The following KCNA3 variants were observed in gnomAD, a reference collection of about 807,000 sequenced individuals.
The protein encoded by KCNA3 is potassium voltage-gated channel subfamily A member 3, also known as RP11-284N8.3.
In KCNA3, 18 loss-of-function variants were observed where a neutral mutation model predicts 34.3. The ratio of observed to expected loss-of-function variants is 0.52; its 90% CI spans 0.36 to 0.78. KCNA3 has a LOEUF of 0.78. Ranked by LOEUF, KCNA3 falls within the 30% of genes least tolerant of loss-of-function variation. The pLI is 0.00. For missense variants in KCNA3, 587 were observed against 802.5 expected, an observed-to-expected ratio of 0.73 and a Z score of 3.24; for synonymous variants, 324 against 351.7, an observed-to-expected ratio of 0.92 and a Z score of 0.88.
rs947748190 is a variant in KCNA3, at chr1:110,672,609, C to T, written c.*473G>A. ...CTAGTTAGACTCTTCATCCACATAT[C>T]TACAGGGTAGGCAACCGAAATACAT... On this transcript the variant is annotated 3_prime_UTR_variant, in exon 1 of 1. Transcript: ENST00000369769. 4 of 156,110 alleles carry T rather than the reference C, an allele frequency of 2.6e-5. No homozygotes were observed. Among genetic ancestry groups the T allele is most frequent in the African/African-American group, 9.6e-5 (4 of 41,458 alleles). 9.7% of individuals were successfully genotyped at this position (156,110 alleles called of 1,614,324 possible).
Position 110,672,874 on chromosome 1 carries a change from A to T in KCNA3, c.*208T>A, listed in dbSNP as rs772777662. The T allele has an allele frequency of 1.1e-5, 6 of 560,826 alleles. No individual in the cohort carries two copies. The highest frequency in any genetic ancestry group is 1.6e-5 in the Non-Finnish European group (5 of 317,444). 34.7% of individuals were successfully genotyped at this position (560,826 alleles called of 1,614,324 possible). Reference sequence around the variant, plus strand: ...TAAGAGAGAGAGGGTAAGAGGGAAAAGGAGAGCTGAGAGAATGCAGCCCAC... The same window carrying T: ...TAAGAGAGAGAGGGTAAGAGGGAAATGGAGAGCTGAGAGAATGCAGCCCAC... On this transcript the variant is annotated 3_prime_UTR_variant, in exon 1 of 1. Transcript: ENST00000369769.
At position 110,674,546 on chromosome 1, in the gene KCNA3, C is replaced by A. The variant is rs772107299; in HGVS notation, c.264G>T (p.Pro88=). The A allele has an allele frequency of 1.3e-6, 2 of 1,588,712 alleles. No individual in the cohort carries two copies. Among genetic ancestry groups the A allele is most frequent in the Admixed American group, 1.8e-5 (1 of 56,438 alleles). ...CGGGGCDRYE[P]LPPSLPAAGE... is the part of the protein sequence containing the mutation. ...CCGCGGCCGGCAGTGAGGGCGGCAG[C>A]GGCTCGTAGCGGTCGCAGCCGCCGC... Residue 88 remains proline, a synonymous_variant, in exon 1 of 1, where the codon CCG becomes CCT. Transcript: ENST00000369769. This position sits in a 1 kb window ranked among gnomAD's most constrained non-coding sequence, Gnocchi z 6.4.
chr1:110,674,569 C>G lies in KCNA3; in HGVS notation c.241G>C (p.Gly81Arg), dbSNP rs984933551. 1.3e-6 allele frequency: 2 copies of G among 1,562,446 alleles called. No homozygotes were observed. The highest frequency in any genetic ancestry group is 1.9e-5 in the Admixed American group (1 of 52,556). Residue 81 changes from glycine (G) to arginine (R), a missense_variant, in exon 1 of 1, where the codon GGC (glycine) becomes CGC (arginine). By Grantham distance (125) the Gly-to-Arg change is moderately radical. Coordinates refer to ENST00000369769, the MANE Select transcript of KCNA3 (RefSeq NM_002232.5). The surrounding 1 kb of genome is among the most constrained non-coding windows in gnomAD (Gnocchi z 6.4). ...AGCGGCTCGTAGCGGTCGCAGCCGC[C>G]GCCGCCACAGCCGCCTTGAGGCGGG... is the stretch of plus-strand genomic sequence containing the variant. ...GAPPQGGCGG[G>R]GCDRYEPLPP...
At position 110,672,850 on chromosome 1, in the gene KCNA3, A is replaced by C. The variant is rs1058184; in HGVS notation, c.*232T>G. On this transcript the variant is annotated 3_prime_UTR_variant, in exon 1 of 1. Coordinates refer to ENST00000369769, the MANE Select transcript of KCNA3 (RefSeq NM_002232.5). ...ACGTAAGTCTGTTGTTTACAATGTT[A>C]AGAGAGAGAGGGTAAGAGGGAAAAG... 335,837 of 500,590 alleles carry C rather than the reference A, an allele frequency of 0.67. 113,828 individuals are homozygous for C. The highest frequency in any genetic ancestry group is 0.72 in the Middle Eastern group (1,411 of 1,952). The allele number at this position is 500,590 out of a possible 1,614,324, so 31.0% of individuals were successfully genotyped here.
At position 110,673,806 on chromosome 1, in the gene KCNA3, G is replaced by T. The variant is rs1435199552; in HGVS notation, c.1004C>A (p.Ala335Asp). 6.2e-7 allele frequency: 1 copy of T among 1,614,140 alleles called. No individual in the cohort carries two copies. The highest frequency in any genetic ancestry group is 2.2e-5 in the East Asian group (1 of 44,878). The change falls in exon 1 of 1, where the codon GCC (alanine) becomes GAC (aspartate). Residue 335 changes from alanine to aspartate, a missense_variant. Physicochemically the swap from Ala to Asp is moderately radical, Grantham distance 126. Around this residue, in one of 7 missense-constraint regions of KCNA3, gnomAD observed 84 missense variants for 223.1 expected, o/e 0.38. Transcript: ENST00000369769. This position sits in a 1 kb window ranked among gnomAD's most constrained non-coding sequence, Gnocchi z 8.8. ...RNIMNLIDIV[A>D]IIPYFITLGT... ...CAGAGTGATAAAATAAGGAATGATG[G>T]CCACAATGTCGATCAGGTTCATGAT...
rs1570802991 is a variant in KCNA3 at position 110,674,582 on chromosome 1, G to T, written c.228C>A (p.Gly76=). ...VADGGGAPPQ[G]GCGGGGCDRY... Reference sequence around the variant, plus strand: ...GGTCGCAGCCGCCGCCGCCACAGCCGCCTTGAGGCGGGGCCCCTCCACCAT... The same window carrying T: ...GGTCGCAGCCGCCGCCGCCACAGCCTCCTTGAGGCGGGGCCCCTCCACCAT... Residue 76 remains glycine (G), a synonymous_variant, in exon 1 of 1, where the codon GGC becomes GGA. Transcript: ENST00000369769. This position sits in a 1 kb window ranked among gnomAD's most constrained non-coding sequence, Gnocchi z 6.4. 1 of 1,572,398 alleles carries T rather than the reference G, an allele frequency of 6.4e-7. No homozygotes were observed. Among genetic ancestry groups the T allele is most frequent in the Non-Finnish European group, 8.6e-7 (1 of 1,162,110 alleles).
chr1:110,667,401 A>G, the KCNA3 span, among the ~76,000 whole-genome samples: 1 of 152,308 alleles, frequency 6.6e-6, no homozygotes, highest in East Asian at 1.9e-4. Flanking sequence ...CCCAATCACT[A>G]TCACCATACT....
chr1:110,673,443 C>A lies in KCNA3; in HGVS notation c.1367G>T (p.Gly456Val). The A allele has an allele frequency of 6.2e-7, 1 of 1,614,150 alleles. No homozygotes were observed. The highest frequency in any genetic ancestry group is 1.3e-5 in the African/African-American group (1 of 75,016). Residue 456 changes from glycine to valine, a missense_variant, in exon 1 of 1, where the codon GGG becomes GTG. By Grantham distance (109) the Gly-to-Val change is moderately radical. Transcript: ENST00000369769. This position sits in a 1 kb window ranked among gnomAD's most constrained non-coding sequence, Gnocchi z 8.8. ...GYGDMHPVTI[G>V]GKIVGSLCAI... Reference sequence around the variant, plus strand: ...ACAGAGAGATCCCACAATCTTGCCCCCTATGGTCACTGGGTGCATATCGCC... The same window carrying A: ...ACAGAGAGATCCCACAATCTTGCCCACTATGGTCACTGGGTGCATATCGCC...
the KCNA3 span, chr1:110,654,869 T>C: frequency 6.6e-6 from 1 of 152,160 alleles, no homozygotes; most frequent in Non-Finnish European, 1.5e-5. Context: ...TTGATCTTTC[T>C]AAACCTTGGT....
At chr1:110,662,233 T>C in the KCNA3 span, among the ~76,000 whole-genome samples, 2 of 149,512 alleles carry the variant, frequency 1.3e-5, no homozygotes, top group African/African-American at 2.5e-5. Context: ...GGAAGTACAA[T>C]AGAAAACAGT....
chr1:110,661,863 T>A, the KCNA3 span, among the ~76,000 whole-genome samples: 1 of 151,942 alleles, frequency 6.6e-6, no homozygotes, highest in Non-Finnish European at 1.5e-5. Context: ...ATCCCAGCAC[T>A]TTTGGGAGGC....
At chr1:110,662,633 T>G in the KCNA3 span, among the ~76,000 whole-genome samples, 3 of 152,178 alleles carry the variant, frequency 2.0e-5, no homozygotes, top group African/African-American at 7.2e-5. Context: ...ATTCTCTGAT[T>G]GAGGTCTTGA....
the KCNA3 span, among the ~76,000 whole-genome samples, chr1:110,662,834 C>T: frequency 6.6e-6 from 1 of 152,100 alleles, no homozygotes; most frequent in South Asian, 2.1e-4. Flanking sequence ...TATGGTCACA[C>T]AATAAAATGC....
chr1:110,673,134 T>C lies in KCNA3; in HGVS notation c.1676A>G (p.Asn559Ser). ...GTTGACACAAGAGTTGGGATTATTGTTCGTGGTGCAGGTGGCAGTGGAATT... is the reference window on the plus strand; with the variant it reads ...GTTGACACAAGAGTTGGGATTATTGCTCGTGGTGCAGGTGGCAGTGGAATT... ...TGNSTATCTT[N>S]NNPNSCVNIK... The change falls in exon 1 of 1, where the codon AAC (asparagine) becomes AGC (serine). Residue 559 changes from asparagine to serine, a missense_variant. By Grantham distance (46) the Asn-to-Ser change is conservative. Transcript: ENST00000369769. The surrounding 1 kb of genome is among the most constrained non-coding windows in gnomAD (Gnocchi z 8.8). 6.2e-7 allele frequency: 1 copy of C among 1,613,980 alleles called. No individual in the cohort carries two copies. Among genetic ancestry groups the C allele is most frequent in the East Asian group, 2.2e-5 (1 of 44,894 alleles).
At chr1:110,659,960 G>A in the KCNA3 span, among the ~76,000 whole-genome samples, 5 of 152,128 alleles carry the variant, frequency 3.3e-5, no homozygotes, top group Non-Finnish European at 5.9e-5. Context: ...GGAAGGGATA[G>A]CGTTAGGAGA....
At position 110,673,869 on chromosome 1, in the gene KCNA3, A is replaced by C. The variant is rs1209513209; in HGVS notation, c.941T>G (p.Phe314Cys). 6.2e-7 allele frequency: 1 copy of C among 1,614,152 alleles called. No homozygotes were observed. The highest frequency in any genetic ancestry group is 1.7e-5 in the Admixed American group (1 of 60,026). Residue 314 changes from phenylalanine (F) to cysteine (C), a missense_variant, in exon 1 of 1, where the codon TTC becomes TGC. Physicochemically the swap from Phe to Cys is radical, Grantham distance 205. Around this residue, in one of 7 missense-constraint regions of KCNA3, gnomAD observed 84 missense variants for 223.1 expected, o/e 0.38. Coordinates refer to ENST00000369769, the MANE Select transcript of KCNA3 (RefSeq NM_002232.5). The surrounding 1 kb of genome is among the most constrained non-coding windows in gnomAD (Gnocchi z 8.8). ...IWFSFELLVR[F>C]FACPSKATFS... ...GGTGGCTTTGCTAGGACAAGCGAAG[A>C]ACCGCACCAGCAGTTCGAAGGAGAA...
chr1:110,674,762 G>T lies in KCNA3; in HGVS notation c.48C>A (p.Ala16=). Residue 16 remains alanine (A), a synonymous_variant, in exon 1 of 1, where the codon GCC becomes GCA. Transcript: ENST00000369769. This position sits in a 1 kb window ranked among gnomAD's most constrained non-coding sequence, Gnocchi z 6.4. ...GCTGAGGAGGGTGGGCGCGGTGGCG[G>T]GCTGAGGGCGGCGGCGGCGAGCGCA... is the stretch of plus-strand genomic sequence containing the variant. ...SLLRSPPPPS[A]RHRAHPPQRP... The T allele has an allele frequency of 7.4e-7, 1 of 1,352,190 alleles. No individual in the cohort carries two copies. Among genetic ancestry groups the T allele is most frequent in the Non-Finnish European group, 9.4e-7 (1 of 1,060,456 alleles). 83.8% of individuals were successfully genotyped at this position (1,352,190 alleles called of 1,614,324 possible). A position where few individuals can be genotyped will look rare whatever the true frequency, so the allele number is the denominator to read the frequency against.
chr1:110,669,590 C>CT (rs1289036054), downstream of KCNA3, among the ~76,000 whole-genome samples: 4 of 152,112 alleles, frequency 2.6e-5, no homozygotes, highest in Non-Finnish European at 5.9e-5. Flanking sequence ...GAAGCCAAGT[C>CT]TAAAAGCATA....
At chr1:110,656,010 G>T in the KCNA3 span, 1 of 151,878 alleles carries the variant, frequency 6.6e-6, no homozygotes, top group African/African-American at 2.4e-5. Flanking sequence ...GCTGTATTAG[G>T]CCTCCTTTGT....
Sources: gnomAD v4.1 joint callset for allele counts (sites outside exome capture counted in the v4.1 genomes callset) on GRCh38, gnomAD v4.1.1 for gene constraint, gnomAD v4.1.1 regional missense constraint, Gnocchi (gnomAD v3.1) non-coding constraint, MANE v1.5 for transcripts, NCBI Gene and HGNC (gene_info 2026-07-23, HGNC 2026-07-21) for gene names.